RALGPS1: variants seen among roughly 807,000 people sequenced by gnomAD.
RALGPS1 encodes the protein ras-specific guanine nucleotide-releasing factor RalGPS1.
A neutral mutation model predicts 78.8 loss-of-function variants in RALGPS1; 19 were observed. The ratio of observed to expected loss-of-function variants is 0.24; its 90% CI spans 0.17 to 0.35. The LOEUF (loss-of-function observed/expected upper bound fraction) is 0.35, where lower values mean the gene tolerates loss of function less well. Ranked by LOEUF, RALGPS1 falls within the 10% of genes least tolerant of loss-of-function variation. The probability of loss-of-function intolerance (pLI) is 1.00; values close to 1 mark genes in which losing one functional copy is unlikely to be tolerated. For missense variants in RALGPS1, 454 were observed against 688.3 expected, an observed-to-expected ratio of 0.66 and a Z score of 3.81; for synonymous variants, 228 against 256.3, an observed-to-expected ratio of 0.89 and a Z score of 1.06.
chr9:127,178,597 A>T (rs1332452107), intron 11 of RALGPS1: 1 of 614,804 alleles, frequency 1.6e-6, no homozygotes, highest in Admixed American at 6.3e-5. Flanking sequence ...CCTTCTCCCC[A>T]CTATCACCCC....
At chr9:127,135,580 G>T (rs72764390) in intron 8 of RALGPS1, among the ~76,000 whole-genome samples, 1 of 152,216 alleles carries the variant, frequency 6.6e-6, no homozygotes, top group African/African-American at 2.4e-5. Flanking sequence ...TGTGGGGACC[G>T]GCTTGACAGG....
chr9:127,176,591 A>G (rs1361137028), intron 11 of RALGPS1, among the ~76,000 whole-genome samples: 1 of 152,234 alleles, frequency 6.6e-6, no homozygotes, highest in East Asian at 1.9e-4. Context: ...TAGTGTGAAT[A>G]AGAGGCCTGT....
At chr9:127,026,518 T>G (rs2045974690) in intron 4 of RALGPS1, among the ~76,000 whole-genome samples, 1 of 152,264 alleles carries the variant, frequency 6.6e-6, no homozygotes, top group Non-Finnish European at 1.5e-5. Context: ...TATATACAAG[T>G]CTCTTTTCTA....
rs78852500 is a variant in RALGPS1 at position 127,168,466 on chromosome 9, G to C, written c.749-213G>C. Among the ~76,000 whole-genome samples, 32 of 152,262 alleles carry C rather than the reference G, an allele frequency of 2.1e-4. No homozygotes were observed. In the East Asian group the frequency reaches 5.8e-3, roughly 28 times the overall value. On this transcript the variant is annotated intron_variant, in intron 9 of 18. Coordinates refer to ENST00000259351, the MANE Select transcript of RALGPS1 (RefSeq NM_014636.3). ...TGGTGACTGAGGCCCGGTCATCTGG[G>C]GGGTACTCCTTGAGGGCAGAACCCA...
At chr9:127,141,254 G>A (rs372252655) in intron 8 of RALGPS1, among the ~76,000 whole-genome samples, 8 of 152,152 alleles carry the variant, frequency 5.3e-5, no homozygotes, top group Admixed American at 1.3e-4. Context: ...GTGGTCAGCC[G>A]TACAGTAAGG....
At chr9:127,076,570 A>G (rs980517545) in intron 8 of RALGPS1, among the ~76,000 whole-genome samples, 1 of 152,240 alleles carries the variant, frequency 6.6e-6, no homozygotes, top group African/African-American at 2.4e-5. Flanking sequence ...TAAAGTTTAA[A>G]ATCAAGACAA....
At chr9:126,960,790 C>T (rs977077723) in intron 1 of RALGPS1, among the ~76,000 whole-genome samples, 7 of 152,150 alleles carry the variant, frequency 4.6e-5, no homozygotes, top group Non-Finnish European at 1.0e-4. Flanking sequence ...CATCATCCTT[C>T]CCCCAAATCT....
intron 3 of RALGPS1, among the ~76,000 whole-genome samples, chr9:126,977,018 G>T (rs2040728484): frequency 6.6e-6 from 1 of 152,146 alleles, no homozygotes; most frequent in African/African-American, 2.4e-5. Flanking sequence ...TTTTCCATTT[G>T]CAATAATTTG....
chr9:127,068,724 G>C (rs2049928557), intron 7 of RALGPS1, among the ~76,000 whole-genome samples: 1 of 152,212 alleles, frequency 6.6e-6, no homozygotes, highest in African/African-American at 2.4e-5. Context: ...CTGTATAGCA[G>C]CAGCAGCAGA....
intron 8 of RALGPS1, chr9:127,094,045 G>C: frequency 8.7e-7 from 1 of 1,152,132 alleles, no homozygotes. Flanking sequence ...ACAGGCCCAC[G>C]GTCTGAGGTA....
At chr9:127,200,178 T>A (rs1048471067) in intron 14 of RALGPS1, among the ~76,000 whole-genome samples, 1 of 152,240 alleles carries the variant, frequency 6.6e-6, no homozygotes, top group Non-Finnish European at 1.5e-5. Flanking sequence ...ACTCCTCCTC[T>A]GGCGCTGAAG....
chr9:126,959,064 CTTTTT>C (rs35067123), intron 1 of RALGPS1, among the ~76,000 whole-genome samples: 1 of 136,332 alleles, frequency 7.3e-6, no homozygotes, highest in Admixed American at 7.3e-5. Context: ...TCTTCTTCTT[CTTTTT>C]TTTTTTTTTT....
At chr9:127,177,146 C>T (rs1178108204) in intron 11 of RALGPS1, among the ~76,000 whole-genome samples, 1 of 144,918 alleles carries the variant, frequency 6.9e-6, no homozygotes, top group Admixed American at 6.8e-5. Flanking sequence ...TGTAGATGCT[C>T]AATTTTCGTA....
chr9:127,086,762 G>C (rs2051793910), intron 8 of RALGPS1, among the ~76,000 whole-genome samples: 1 of 152,122 alleles, frequency 6.6e-6, no homozygotes, highest in African/African-American at 2.4e-5. Context: ...GGGGTTTCCT[G>C]TCATGCCTAG....
At chr9:126,960,503 G>A (rs546755107) in intron 1 of RALGPS1, among the ~76,000 whole-genome samples, 1 of 151,998 alleles carries the variant, frequency 6.6e-6, no homozygotes, top group South Asian at 2.1e-4. Context: ...CAAAGTGCTG[G>A]GATTACAGGT....
intron 2 of RALGPS1, among the ~76,000 whole-genome samples, chr9:126,963,507 A>G (rs76029445): frequency 6.6e-6 from 1 of 152,252 alleles, no homozygotes. Context: ...GAATGAGCAA[A>G]TGATGAATAC....
At chr9:126,981,709 A>G (rs1449382438) in intron 4 of RALGPS1, among the ~76,000 whole-genome samples, 2 of 152,232 alleles carry the variant, frequency 1.3e-5, no homozygotes, top group African/African-American at 4.8e-5. Context: ...TGAGGAAGCT[A>G]GAGCTCAGAC....
chr9:127,051,291 G>A (rs545366314), intron 6 of RALGPS1, among the ~76,000 whole-genome samples: 2 of 152,176 alleles, frequency 1.3e-5, no homozygotes, highest in Non-Finnish European at 2.9e-5. Context: ...TGTGTTTATG[G>A]TGCCCACCCA....
chr9:127,001,713 G>A (rs561166523), intron 4 of RALGPS1, among the ~76,000 whole-genome samples: 7 of 152,018 alleles, frequency 4.6e-5, no homozygotes, highest in South Asian at 2.1e-4. Flanking sequence ...GTGAAACCCC[G>A]TCTCTACTAA....
Sources: allele counts gnomAD v4.1 joint callset (sites outside exome capture counted in the v4.1 genomes callset), GRCh38; gene constraint gnomAD v4.1.1; transcripts MANE v1.5; gene names NCBI Gene and HGNC (gene_info 2026-07-23, HGNC 2026-07-21).